The following MUTYH variants were observed in gnomAD, a reference collection of about 807,000 sequenced individuals.
The protein encoded by MUTYH is adenine DNA glycosylase.
In MUTYH, 64 loss-of-function variants were observed where a neutral mutation model predicts 72.9. The ratio of observed to expected loss-of-function variants is 0.88; its 90% confidence interval spans 0.72 to 1.08. MUTYH has a LOEUF of 1.08. Ranked by LOEUF, MUTYH falls within the 50% of genes least tolerant of loss-of-function variation. The probability of loss-of-function intolerance (pLI) is 0.00; values close to 1 mark genes in which losing one functional copy is unlikely to be tolerated. For synonymous variants in MUTYH, 234 were observed against 263.1 expected (o/e 0.89, Z 1.07); for missense variants, 633 against 671.0 (o/e 0.94, Z 0.63).
At position 45,332,831 on chromosome 1, in the gene MUTYH, C is replaced by T. The variant is rs786203212; in HGVS notation, c.424G>A (p.Val142Met). ...CCCAGGCCAGCCCAGAGTTGATTCA[C>T]CTCCTGTGGGTAGGATCAGAGGTCA... ...QDLASASLEE[V>M]NQLWAGLGYY... The change falls in exon 7 of 16, where the codon GTG becomes ATG. Residue 142 changes from valine (V) to methionine (M), a missense_variant. Val to Met is a conservative substitution (Grantham distance 21). Transcript: ENST00000456914. 5 of 1,614,228 alleles carry T rather than the reference C, an allele frequency of 3.1e-6. No individual in the cohort carries two copies. The highest frequency in any genetic ancestry group is 4.2e-6 in the Non-Finnish European group (5 of 1,180,046).
rs1323891016 is a variant in MUTYH, at chr1:45,332,283, T to C, written c.732A>G (p.Pro244=). 1.9e-6 allele frequency: 3 copies of C among 1,613,988 alleles called. No individual in the cohort carries two copies. Among genetic ancestry groups the C allele is most frequent in the Non-Finnish European group, 2.5e-6 (3 of 1,180,004 alleles). ...CTTGGTTGAAATCTCCTGGCCGGGCTGGGTCCACCAGCTGCTGGGCTAGAC... is the reference window on the plus strand; with the variant it reads ...CTTGGTTGAAATCTCCTGGCCGGGCCGGGTCCACCAGCTGCTGGGCTAGAC... ...LWGLAQQLVD[P]ARPGDFNQAA... is the part of the protein sequence containing the mutation. Residue 244 remains proline (P), a synonymous_variant, in exon 10 of 16, where the codon CCA becomes CCG. Transcript: ENST00000456914.
chr1:45,336,905 T>C (rs1237225443), intron 1 of MUTYH, among the ~76,000 whole-genome samples: 1 of 152,178 alleles, frequency 6.6e-6, no homozygotes, highest in Non-Finnish European at 1.5e-5. Flanking sequence ...TGTATGCCTT[T>C]TCTCCAGTTA....
At chr1:45,336,729 A>C (rs977866896) in intron 1 of MUTYH, among the ~76,000 whole-genome samples, 4 of 152,150 alleles carry the variant, frequency 2.6e-5, no homozygotes, top group African/African-American at 9.7e-5. Flanking sequence ...AGGTGAAATA[A>C]ACAGCCTTGT....
rs1442844340 is a variant in MUTYH at position 45,332,103 on chromosome 1, T to G, written c.850-17A>C. 1 of 1,614,172 alleles carries G rather than the reference T, an allele frequency of 6.2e-7. No homozygotes were observed. The highest frequency in any genetic ancestry group is 8.5e-7 in the Non-Finnish European group (1 of 1,180,010). ...CTGCTCCACCTGAGAGGCACAGGGT[T>G]GAGTGTCATAGGGCAGAGTCACTCC... On this transcript the variant is annotated splice_polypyrimidine_tract_variant and intron_variant, in intron 10 of 15. Transcript: ENST00000456914.
chr1:45,330,768 G>GTTTCACCAT (rs1557453131), intron 14 of MUTYH, among the ~76,000 whole-genome samples: 5 of 152,062 alleles, frequency 3.3e-5, no homozygotes, highest in Non-Finnish European at 5.9e-5. Flanking sequence ...TGGCCAACAT[G>GTTTCACCAT]GTGAAACCCC....
At chr1:45,333,758 A>T (rs1331079730) in intron 2 of MUTYH, 197 bp from the exon 3 acceptor site, 1 of 317,652 alleles carries the variant, frequency 3.1e-6, no homozygotes, top group African/African-American at 2.2e-5. Flanking sequence ...TAATTTTCTC[A>T]GGGTGGTACT....
intron 1 of MUTYH, among the ~76,000 whole-genome samples, chr1:45,336,539 CA>C (rs1645923056): frequency 6.6e-6 from 1 of 152,158 alleles, no homozygotes; most frequent in Non-Finnish European, 1.5e-5. Flanking sequence ...ATCTCCCCCC[CA>C]CCCTTAAGAA....
At chr1:45,337,571 G>T (rs1570515394) in intron 1 of MUTYH, among the ~76,000 whole-genome samples, 1 of 150,174 alleles carries the variant, frequency 6.7e-6, no homozygotes, top group Non-Finnish European at 1.5e-5. Flanking sequence ...CCTTTACTAT[G>T]GGTCATTAAA....
intron 2 of MUTYH, 81 bp from the exon 3 acceptor site, chr1:45,333,642 G>C (rs770861508): frequency 1.3e-6 from 2 of 1,574,236 alleles, no homozygotes; most frequent in Non-Finnish European, 1.7e-6. Context: ...GCCTGTGGCA[G>C]TATGCTCCCA....
In MUTYH at chr1:45,332,615, G is replaced by A. The variant is rs537292657; in HGVS notation, c.565C>T (p.Arg189Cys). ...TLQQLLPGVG[R>C]YTAGAIASIA... Reference sequence around the variant, plus strand: ...GAGGCAATGGCCCCAGCTGTGTAGCGCCCCACGCCAGGCAGGAGCTGCTGC... The same window carrying A: ...GAGGCAATGGCCCCAGCTGTGTAGCACCCCACGCCAGGCAGGAGCTGCTGC... The change falls in exon 8 of 16, where the codon CGC becomes TGC. Residue 189 changes from arginine (R) to cysteine (C), a missense_variant. By Grantham distance (180) the Arg-to-Cys change is radical (BLOSUM62 -3). Coordinates refer to ENST00000456914, the MANE Select transcript of MUTYH (RefSeq NM_001048174.2). 8.7e-5 allele frequency: 141 copies of A among 1,613,996 alleles called. No homozygotes were observed. Among genetic ancestry groups the A allele is most frequent in the South Asian group, 4.6e-4 (42 of 91,086 alleles).
intron 1 of MUTYH, chr1:45,339,558 C>G (rs936850601): frequency 6.1e-6 from 2 of 328,632 alleles, no homozygotes; most frequent in Non-Finnish European, 1.2e-5. Flanking sequence ...TCGACTATAC[C>G]GCCTAGCTGC....
intron 12 of MUTYH, 42 bp downstream of exon 12, chr1:45,331,619 T>C (rs1644880163): frequency 6.2e-7 from 1 of 1,613,238 alleles, no homozygotes. Context: ...CATTCTCTCT[T>C]GTTACTCATG....
In MUTYH at chr1:45,331,435, GA is replaced by G; in HGVS notation, c.1223del (p.Leu408ProfsTer16). 6.2e-7 allele frequency: 1 copy of G among 1,614,246 alleles called. No homozygotes were observed. The highest frequency in any genetic ancestry group is 8.5e-7 in the Non-Finnish European group (1 of 1,180,052). ...RWAGPLPATH[L>X]RHLGEVVHTF... is the part of the protein sequence containing the mutation. ...GCTCACTTACCTCCCCAAGGTGCCGGAGGTGCGTGGCTGGGAGGGGCCCAGC... is the reference window on the plus strand; with the variant it reads ...GCTCACTTACCTCCCCAAGGTGCCGGGGTGCGTGGCTGGGAGGGGCCCAGC... On this transcript the variant is annotated frameshift_variant, in exon 13 of 16. Coordinates refer to ENST00000456914, the MANE Select transcript of MUTYH (RefSeq NM_001048174.2). LOFTEE classifies it high-confidence loss of function.
chr1:45,332,387 C>T lies in MUTYH; in HGVS notation c.704+4G>A, dbSNP rs761840203. 2.5e-6 allele frequency: 4 copies of T among 1,614,062 alleles called. No individual in the cohort carries two copies. The South Asian group carries it at 3.3e-5, about 13-fold the overall frequency. On this transcript the variant is annotated splice_donor_region_variant and intron_variant, in intron 9 of 15. Transcript: ENST00000456914. The stretch of plus-strand genomic sequence containing the variant: ...GAAGCACCCTTGTTACCCCAACATC[C>T]TACCAGAGCTGCTGGGAAACAAGGG...
chr1:45,339,520 C>T (rs943489548), intron 1 of MUTYH: 6 of 270,296 alleles, frequency 2.2e-5, no homozygotes, highest in Non-Finnish European at 4.4e-5. Context: ...GGCCTAGGAA[C>T]CTCTTTCAAA....
chr1:45,336,558 T>C (rs1288495617), intron 1 of MUTYH, among the ~76,000 whole-genome samples: 2 of 151,662 alleles, frequency 1.3e-5, no homozygotes, highest in African/African-American at 4.8e-5. Context: ...GAAGGTTCTT[T>C]ATAATCTCCC....
At position 45,332,603 on chromosome 1, in the gene MUTYH, C is replaced by T. The variant is rs1214428547; in HGVS notation, c.577G>A (p.Gly193Arg). 1.2e-6 allele frequency: 2 copies of T among 1,614,030 alleles called. No homozygotes were observed. Among genetic ancestry groups the T allele is most frequent in the Non-Finnish European group, 1.7e-6 (2 of 1,180,032 alleles). ...LLPGVGRYTA[G>R]AIASIAFGQA... ...CCAAAGGCGATAGAGGCAATGGCCC[C>T]AGCTGTGTAGCGCCCCACGCCAGGC... Residue 193 changes from glycine (G) to arginine (R), a missense_variant, in exon 8 of 16, where the codon GGG (glycine) becomes AGG (arginine). Physicochemically the swap from Gly to Arg is moderately radical, Grantham distance 125. Coordinates refer to ENST00000456914, the MANE Select transcript of MUTYH (RefSeq NM_001048174.2).
chr1:45,338,482 C>A, intron 1 of MUTYH: 1 of 351,534 alleles, frequency 2.8e-6, no homozygotes, highest in Non-Finnish European at 5.6e-6. Flanking sequence ...TATCCTATCA[C>A]ATATTTCTGC....
intron 2 of MUTYH, 85 bp from the exon 3 acceptor site, chr1:45,333,646 G>A (rs745723360): frequency 2.5e-6 from 4 of 1,569,078 alleles, no homozygotes; most frequent in South Asian, 2.3e-5. Context: ...GTGGCAGTAT[G>A]CTCCCACTTA....
Sources: allele counts gnomAD v4.1 joint callset (sites outside exome capture counted in the v4.1 genomes callset), GRCh38; gene constraint gnomAD v4.1.1; transcripts MANE v1.5; gene names NCBI Gene and HGNC (gene_info 2026-07-23, HGNC 2026-07-21).